ABR: variants seen among roughly 807,000 people sequenced by gnomAD.
ABR encodes ABR activator of RhoGEF and GTPase.
Under a neutral mutation model 107.2 loss-of-function variants are expected in ABR, and 35 were observed. That is an observed-to-expected ratio of 0.33 (90% CI 0.25 to 0.43). The LOEUF is 0.43. Among genes scored for constraint, ABR ranks in the 20% least tolerant of loss-of-function variants. The pLI, the probability that ABR is intolerant of heterozygous loss-of-function variation, is 1.00. For missense variants in ABR, 815 were observed against 1,115.2 expected (o/e 0.73, Z 3.83); for synonymous variants, 498 against 462.0 (o/e 1.08, Z -1.00).
chr17:1,192,879 T>G (rs1205142878), intron 1 of ABR, among the ~76,000 whole-genome samples: 1 of 152,110 alleles, frequency 6.6e-6, no homozygotes, highest in Non-Finnish European at 1.5e-5. Flanking sequence ...TGAAACCCCC[T>G]CTCTACTAAA....
chr17:1,223,462 GA>G (rs1567904094), intron 1 of ABR, among the ~76,000 whole-genome samples: 18 of 152,282 alleles, frequency 1.2e-4, no homozygotes. Context: ...CTTGGTGTGC[GA>G]AAGCATGGAC....
chr17:1,158,069 A>G (rs1237790610), intron 1 of ABR, among the ~76,000 whole-genome samples: 1 of 152,088 alleles, frequency 6.6e-6, no homozygotes, highest in African/African-American at 2.4e-5. Flanking sequence ...AAGGAGCGTG[A>G]CCACCCCTGA....
In ABR at chr17:1,091,655, G is replaced by A. The variant is rs780399221; in HGVS notation, c.531+10C>T. On this transcript the variant is annotated intron_variant, in intron 4 of 22. Coordinates refer to ENST00000302538, the MANE Select transcript of ABR (RefSeq NM_021962.5). ...CCTGCGTGAGGACCCTCCATCCCTG[G>A]CAGACTCACCAGCTTCTGGAAGAGG... 4 of 1,610,354 alleles carry A rather than the reference G, an allele frequency of 2.5e-6. No homozygotes were observed. The highest frequency in any genetic ancestry group is 2.7e-5 in the African/African-American group (2 of 74,916).
At chr17:1,026,484 C>T (rs2072205542) in intron 16 of ABR, among the ~76,000 whole-genome samples, 1 of 152,166 alleles carries the variant, frequency 6.6e-6, no homozygotes, top group Admixed American at 6.5e-5. Flanking sequence ...GGCTCAGGAG[C>T]TGGTTCCGCT....
At chr17:1,077,981 C>T (rs914774380) in intron 6 of ABR, among the ~76,000 whole-genome samples, 6 of 152,186 alleles carry the variant, frequency 3.9e-5, no homozygotes, top group Non-Finnish European at 7.4e-5. Flanking sequence ...CCTGGGCCGG[C>T]TTCATCCTCC....
At chr17:1,191,798 G>A (rs1452183105), upstream of ABR, among the ~76,000 whole-genome samples, 9 of 152,256 alleles carry the variant, frequency 5.9e-5, no homozygotes, top group African/African-American at 1.4e-4. Context: ...CCAGGCTGCC[G>A]TCAGGACTCT....
intron 1 of ABR, among the ~76,000 whole-genome samples, chr17:1,159,798 G>A (rs1452065318): frequency 6.6e-6 from 1 of 151,790 alleles, no homozygotes; most frequent in Non-Finnish European, 1.5e-5. Context: ...AAAAGCCAGT[G>A]ACACTTACGA....
At chr17:1,108,653 G>A (rs773113726) in intron 2 of ABR, among the ~76,000 whole-genome samples, 7 of 152,254 alleles carry the variant, frequency 4.6e-5, no homozygotes, top group Non-Finnish European at 5.9e-5. Context: ...CCAGGGAGGC[G>A]GCGAGGCTCG....
intron 16 of ABR, among the ~76,000 whole-genome samples, chr17:1,021,726 C>A (rs996465850): frequency 6.6e-6 from 1 of 151,950 alleles, no homozygotes; most frequent in African/African-American, 2.4e-5. Context: ...ATCGCTTGAA[C>A]CCGGGAGGCG....
intron 1 of ABR, among the ~76,000 whole-genome samples, chr17:1,203,796 G>A (rs933393825): frequency 2.8e-4 from 43 of 152,088 alleles, no homozygotes; most frequent in Admixed American, 1.4e-3. Context: ...GGGCTCGGGC[G>A]CTCTCTCCGC....
At chr17:1,076,342 C>A (rs1457877123) in intron 6 of ABR, among the ~76,000 whole-genome samples, 1 of 152,134 alleles carries the variant, frequency 6.6e-6, no homozygotes, top group African/African-American at 2.4e-5. Context: ...AGGGTGCAGC[C>A]CAGGTCCTAG....
At chr17:1,020,450 A>G (rs560310490) in intron 16 of ABR, among the ~76,000 whole-genome samples, 2 of 152,114 alleles carry the variant, frequency 1.3e-5, no homozygotes, top group Non-Finnish European at 2.9e-5. Flanking sequence ...GCCTCTCCCA[A>G]AGAGAAACGC....
intron 16 of ABR, among the ~76,000 whole-genome samples, chr17:1,035,944 G>A (rs766838017): frequency 6.6e-6 from 1 of 151,700 alleles, no homozygotes; most frequent in Non-Finnish European, 1.5e-5. Context: ...GAGGAAAAAA[G>A]GTCACATCCT....
rs199551787 is a variant in ABR, at chr17:1,015,227, G to A, written c.1792-2063C>T. On this transcript the variant is annotated intron_variant, in intron 16 of 22. Transcript: ENST00000302538. ...AGGTCAGGAATTCGAGACCAGCCTG[G>A]CCAACATGACAAAACCCTGTCTCTA... Among the ~76,000 whole-genome samples, 36 of 151,920 alleles carry A rather than the reference G, an allele frequency of 2.4e-4. No homozygotes were observed. In the East Asian group the frequency reaches 6.3e-3, roughly 27 times the overall value.
chr17:1,074,514 A>T (rs2035544835), intron 6 of ABR, among the ~76,000 whole-genome samples: 1 of 152,240 alleles, frequency 6.6e-6, no homozygotes, highest in Non-Finnish European at 1.5e-5. Flanking sequence ...TGTTTCCAGG[A>T]AGGGCAGCTC....
At chr17:1,048,180 G>A (rs12602332) in intron 16 of ABR, among the ~76,000 whole-genome samples, 15,258 of 152,282 alleles carry the variant, frequency 0.1, 928 homozygotes, top group Admixed American at 0.2. Flanking sequence ...CCTAAATCAC[G>A]AAGGACTGGC....
chr17:1,125,247 C>T lies in ABR; in HGVS notation c.182G>A (p.Ser61Asn). 1 of 1,612,610 alleles carries T rather than the reference C, an allele frequency of 6.2e-7. No individual in the cohort carries two copies. The highest frequency in any genetic ancestry group is 8.5e-7 in the Non-Finnish European group (1 of 1,179,196). Residue 61 changes from serine to asparagine, a missense_variant, in exon 2 of 23, where the codon AGC (serine) becomes AAC (asparagine). This residue lies in a region of ABR where 129 missense variants were observed against 124.8 expected (regional missense o/e 1.03). Transcript: ENST00000302538. ...ATCCCCCCCGCCCTGGCTGCGGGCG[C>T]TGAGCTGCGGGGACATGGTGGGCGA... ...DESPTMSPQL[S>N]ARSQGGGDGV...
chr17:1,026,421 G>A (rs57870258), intron 16 of ABR, among the ~76,000 whole-genome samples: 5,969 of 152,302 alleles, frequency 0.039, 337 homozygotes, highest in African/African-American at 0.12. Context: ...GCCGGTCATC[G>A]GTACCAGCCC....
At chr17:1,081,460 G>T (rs1157941918) in intron 5 of ABR, among the ~76,000 whole-genome samples, 1 of 152,190 alleles carries the variant, frequency 6.6e-6, no homozygotes, top group Admixed American at 6.5e-5. Context: ...CTGCTCCATG[G>T]GTCTGGGAGA....
Sources: allele counts gnomAD v4.1 joint callset (sites outside exome capture counted in the v4.1 genomes callset), GRCh38; gene constraint gnomAD v4.1.1; regional missense constraint gnomAD v4.1.1; transcripts MANE v1.5; gene names NCBI Gene and HGNC (gene_info 2026-07-23, HGNC 2026-07-21).